PRKD1: variants seen among roughly 807,000 people sequenced by gnomAD.
PRKD1 encodes the protein serine/threonine-protein kinase D1.
A neutral mutation model predicts 95.9 loss-of-function variants in PRKD1; 63 were observed. That is an observed-to-expected ratio of 0.66 (90% CI 0.54 to 0.81). The LOEUF (loss-of-function observed/expected upper bound fraction) is 0.81. Ranked by LOEUF, PRKD1 falls within the 30% of genes least tolerant of loss-of-function variation. PRKD1 has a pLI of 0.00. For missense variants in PRKD1, 1,048 were observed against 1,165.3 expected (o/e 0.90, Z 1.47); for synonymous variants, 425 against 423.1 (o/e 1.00, Z -0.05).
chr14:29,829,100 C>G lies in PRKD1; in HGVS notation c.264+98149G>C, dbSNP rs368851198. Among the ~76,000 whole-genome samples the G allele has an allele frequency of 3.7e-4, 57 of 152,258 alleles. 2 individuals are homozygous for G. In the South Asian group the frequency reaches 0.011, roughly 30 times the overall value. On this transcript the variant is annotated intron_variant, in intron 1 of 17. Coordinates refer to ENST00000331968, the MANE Select transcript of PRKD1 (RefSeq NM_002742.3). The stretch of plus-strand genomic sequence containing the variant: ...GGCCATGGCCCAGGCAAACCCAAAT[C>G]CATAATCATCCCTGGCCACAAGCCA...
intron 1 of PRKD1, among the ~76,000 whole-genome samples, chr14:29,869,035 GCAAAA>G (rs1444228980): frequency 1.3e-5 from 2 of 152,162 alleles, no homozygotes; most frequent in African/African-American, 4.8e-5. Context: ...GAAAATCAAA[GCAAAA>G]CATAATCCTA....
At chr14:29,732,367 T>C (rs1402174800) in intron 1 of PRKD1, among the ~76,000 whole-genome samples, 1 of 145,610 alleles carries the variant, frequency 6.9e-6, no homozygotes, top group East Asian at 1.9e-4. Flanking sequence ...ATAATTATCC[T>C]ATTTCACACA....
chr14:29,895,019 C>G (rs1035774622), intron 1 of PRKD1, among the ~76,000 whole-genome samples: 1 of 152,080 alleles, frequency 6.6e-6, no homozygotes, highest in Admixed American at 6.6e-5. Flanking sequence ...TGGATACTCT[C>G]TAGCTCAACA....
rs533813191 is a variant in PRKD1, at chr14:29,635,873, G to C, written c.1190+417C>G. On this transcript the variant is annotated intron_variant, in intron 7 of 17. Coordinates refer to ENST00000331968, the MANE Select transcript of PRKD1 (RefSeq NM_002742.3). The stretch of plus-strand genomic sequence containing the variant: ...GCACATACTTCTGAAATAATATCAA[G>C]AACAGTGAAGTGTACACAGACTATG... Among the ~76,000 whole-genome samples the C allele has an allele frequency of 3.3e-5, 5 of 152,206 alleles. No individual in the cohort carries two copies. The East Asian group carries it at 9.7e-4, about 29-fold the overall frequency.
At chr14:29,688,878 G>A (rs951371514) in intron 2 of PRKD1, among the ~76,000 whole-genome samples, 1 of 146,216 alleles carries the variant, frequency 6.8e-6, no homozygotes, top group Non-Finnish European at 1.5e-5. Flanking sequence ...GGCTGGAGTA[G>A]GCAGAGGCTG....
At chr14:29,760,635 G>A (rs1247999128) in intron 1 of PRKD1, among the ~76,000 whole-genome samples, 1 of 151,892 alleles carries the variant, frequency 6.6e-6, no homozygotes, top group African/African-American at 2.4e-5. Context: ...TTACAGGCGT[G>A]AGCCACCACG....
At chr14:29,739,111 C>CA (rs1886873592) in intron 1 of PRKD1, among the ~76,000 whole-genome samples, 1 of 152,154 alleles carries the variant, frequency 6.6e-6, no homozygotes, top group African/African-American at 2.4e-5. Flanking sequence ...GCTGGGAGTA[C>CA]AGGCATGAGC....
chr14:29,671,087 G>A (rs1882813413), intron 2 of PRKD1, among the ~76,000 whole-genome samples: 1 of 152,004 alleles, frequency 6.6e-6, no homozygotes, highest in Non-Finnish European at 1.5e-5. Flanking sequence ...AAAAAAAAAT[G>A]TATTTAGATA....
intron 1 of PRKD1, among the ~76,000 whole-genome samples, chr14:29,790,159 G>A (rs1444286392): frequency 2.0e-5 from 3 of 151,594 alleles, no homozygotes; most frequent in Non-Finnish European, 2.9e-5. Flanking sequence ...CTACAGGTGC[G>A]TGCCACCACG....
intron 2 of PRKD1, among the ~76,000 whole-genome samples, chr14:29,691,315 T>C (rs1250343782): frequency 6.6e-6 from 1 of 152,182 alleles, no homozygotes; most frequent in Non-Finnish European, 1.5e-5. Flanking sequence ...CACAATGAAA[T>C]CACCTGAGGG....
At chr14:29,607,114 T>C (rs1329203498) in intron 13 of PRKD1, among the ~76,000 whole-genome samples, 1 of 152,236 alleles carries the variant, frequency 6.6e-6, no homozygotes, top group African/African-American at 2.4e-5. Flanking sequence ...TAATTATTAC[T>C]ACTGGGTAAA....
chr14:29,826,856 T>TACAC (rs1288748334), intron 1 of PRKD1, among the ~76,000 whole-genome samples: 1 of 96,588 alleles, frequency 1.0e-5, no homozygotes, highest in Admixed American at 1.2e-4. Flanking sequence ...TATATATATA[T>TACAC]ATATATATAT....
intron 1 of PRKD1, among the ~76,000 whole-genome samples, chr14:29,873,042 T>C (rs1404523531): frequency 6.6e-6 from 1 of 152,178 alleles, no homozygotes; most frequent in East Asian, 1.9e-4. Flanking sequence ...CAAACACTGC[T>C]TTACAAGTAA....
At position 29,844,526 on chromosome 14, in the gene PRKD1, C is replaced by T. The variant is rs532832354; in HGVS notation, c.264+82723G>A. ...AATATGGGAAAACAATGAGCACATA[C>T]GATGAGCCAAAAATATATAAATTCA... On this transcript the variant is annotated intron_variant, in intron 1 of 17. Coordinates refer to ENST00000331968, the MANE Select transcript of PRKD1 (RefSeq NM_002742.3). 3.9e-4 allele frequency among the ~76,000 whole-genome samples: 59 copies of T among 152,126 alleles called. 1 individual carries two copies. The South Asian group carries it at 9.3e-3, about 24-fold the overall frequency.
At chr14:29,786,379 T>C (rs1889274471) in intron 1 of PRKD1, among the ~76,000 whole-genome samples, 2 of 152,188 alleles carry the variant, frequency 1.3e-5, no homozygotes, top group South Asian at 4.1e-4. Context: ...AGAATTCCCT[T>C]CTCTTCAATT....
chr14:29,781,651 T>G (rs1209142974), intron 1 of PRKD1, among the ~76,000 whole-genome samples: 4 of 152,244 alleles, frequency 2.6e-5, no homozygotes, highest in Admixed American at 6.5e-5. Flanking sequence ...CAAGGGAGTC[T>G]TTAAAATATA....
intron 1 of PRKD1, among the ~76,000 whole-genome samples, chr14:29,896,657 C>A (rs1894137803): frequency 6.7e-6 from 1 of 148,998 alleles, no homozygotes; most frequent in African/African-American, 2.5e-5. Flanking sequence ...GCCTTATTTA[C>A]ACAAAATGGT....
intron 2 of PRKD1, among the ~76,000 whole-genome samples, chr14:29,724,629 T>A (rs1886054686): frequency 6.6e-6 from 1 of 152,244 alleles, no homozygotes; most frequent in Non-Finnish European, 1.5e-5. Flanking sequence ...TGAATTATAA[T>A]CAGTGCATCC....
chr14:29,714,629 A>C (rs965723686), intron 2 of PRKD1, among the ~76,000 whole-genome samples: 2 of 152,176 alleles, frequency 1.3e-5, no homozygotes, highest in Non-Finnish European at 2.9e-5. Flanking sequence ...AAGGATTATA[A>C]ATCATTCTAC....
Sources: allele counts gnomAD v4.1 joint callset (sites outside exome capture counted in the v4.1 genomes callset), GRCh38; gene constraint gnomAD v4.1.1; transcripts MANE v1.5; gene names NCBI Gene and HGNC (gene_info 2026-07-23, HGNC 2026-07-21).